The following LRRC37A2 variants were observed in gnomAD, a reference collection of about 807,000 sequenced individuals.
LRRC37A2 encodes leucine rich repeat containing 37 member A2, also known as leucine-rich repeat-containing protein 37A2.
Under a neutral mutation model 68.8 loss-of-function variants are expected in LRRC37A2, and 9 were observed. That is an observed-to-expected ratio of 0.13 (90% CI 0.08 to 0.23). The LOEUF (loss-of-function observed/expected upper bound fraction) is 0.23. Among genes scored for constraint, LRRC37A2 ranks in the 10% least tolerant of loss-of-function variants. LRRC37A2 has a pLI of 1.00. For synonymous variants in LRRC37A2, 63 were observed against 367.6 expected (o/e 0.17, Z 9.48); for missense variants, 168 against 950.4 (o/e 0.18, Z 10.82).
At chr17:46,758,518 A>C in the LRRC37A2 span, among the ~76,000 whole-genome samples, 9 of 152,344 alleles carry the variant, frequency 5.9e-5, no homozygotes, top group African/African-American at 2.2e-4. Flanking sequence ...CGAATTGTTA[A>C]CCGGCTATTT....
At chr17:46,911,187 G>T in the LRRC37A2 span, among the ~76,000 whole-genome samples, 6 of 152,136 alleles carry the variant, frequency 3.9e-5, no homozygotes, top group African/African-American at 1.4e-4. Context: ...CCTTATTAAA[G>T]ATAAAGAAAA....
chr17:46,657,298 T>C, the LRRC37A2 span, among the ~76,000 whole-genome samples: 1 of 143,438 alleles, frequency 7.0e-6, no homozygotes, highest in African/African-American at 2.5e-5. Flanking sequence ...AAAAGTCAAA[T>C]GTTAAGGAGA....
chr17:46,821,352 G>T, the LRRC37A2 span: 3 of 152,260 alleles, frequency 2.0e-5, no homozygotes, highest in Admixed American at 2.0e-4. Context: ...TTTCCCCCAG[G>T]TGTCCTTCCT....
At chr17:46,962,510 A>G in the LRRC37A2 span, among the ~76,000 whole-genome samples, 1 of 152,132 alleles carries the variant, frequency 6.6e-6, no homozygotes, top group Non-Finnish European at 1.5e-5. Context: ...TTCTGGGCCA[A>G]TTATTGAGGT....
chr17:46,905,922 G>A, the LRRC37A2 span, among the ~76,000 whole-genome samples: 2 of 152,184 alleles, frequency 1.3e-5, no homozygotes, highest in South Asian at 2.1e-4. Context: ...GAAAGACCCC[G>A]CCCAGCAATG....
At chr17:46,938,804 A>AGT in the LRRC37A2 span, 707 of 1,578,680 alleles carry the variant, frequency 4.5e-4, 1 homozygote, top group Admixed American at 1.6e-3. Flanking sequence ...ACAGCCTGCA[A>AGT]GTGTGTGTGT....
the LRRC37A2 span, among the ~76,000 whole-genome samples, chr17:46,657,972 T>TTTA: frequency 1.9e-4 from 3 of 16,062 alleles, 1 homozygote; most frequent in African/African-American, 4.5e-4. Flanking sequence ...TTTTATTTAT[T>TTTA]TTTTTTTTTT....
the LRRC37A2 span, chr17:46,751,360 C>A: frequency 1.5e-6 from 1 of 651,750 alleles, no homozygotes; most frequent in Non-Finnish European, 2.7e-6. Flanking sequence ...GAAGGTCAGA[C>A]TGGATTTTAA....
chr17:46,966,350 C>A, the LRRC37A2 span, among the ~76,000 whole-genome samples: 1 of 152,210 alleles, frequency 6.6e-6, no homozygotes, highest in African/African-American at 2.4e-5. Context: ...GTGGCACGAT[C>A]ATGGCCCATT....
chr17:47,018,301 C>G, the LRRC37A2 span: 22 of 1,611,598 alleles, frequency 1.4e-5, no homozygotes, highest in South Asian at 2.2e-4. Context: ...TCTGAGTCTT[C>G]TGGGGAGGTC....
the LRRC37A2 span, among the ~76,000 whole-genome samples, chr17:46,633,935 G>A: frequency 1.5e-5 from 1 of 65,256 alleles, no homozygotes; most frequent in African/African-American, 9.0e-5. Flanking sequence ...GCAATGGTGC[G>A]ATCTTGGCTC....
chr17:47,017,175 T>C, the LRRC37A2 span: 781,887 of 1,577,886 alleles, frequency 0.5, 199,744 homozygotes, highest in South Asian at 0.52. Flanking sequence ...GGGGCACGAG[T>C]GTCTCGGAGC....
At chr17:46,810,782 C>G in the LRRC37A2 span, among the ~76,000 whole-genome samples, 1 of 152,130 alleles carries the variant, frequency 6.6e-6, no homozygotes, top group African/African-American at 2.4e-5. Flanking sequence ...AGCTGGAAGT[C>G]TTTGGCCAGC....
At chr17:46,711,150 G>A in the LRRC37A2 span, 2 of 1,462,530 alleles carry the variant, frequency 1.4e-6, no homozygotes, top group Admixed American at 2.9e-5. Context: ...GGCATTAAAA[G>A]TTAAAGGAAA....
chr17:47,029,531 T>C, the LRRC37A2 span, among the ~76,000 whole-genome samples: 1 of 152,208 alleles, frequency 6.6e-6, no homozygotes, highest in South Asian at 2.1e-4. Flanking sequence ...CACTTCGAGA[T>C]AGAGGGAAGC....
At chr17:46,605,525 TATA>T in the LRRC37A2 span, among the ~76,000 whole-genome samples, 1 of 140,612 alleles carries the variant, frequency 7.1e-6, no homozygotes, top group Non-Finnish European at 1.6e-5. Flanking sequence ...TTTTCCTGTC[TATA>T]ATAATGAAAG....
the LRRC37A2 span, among the ~76,000 whole-genome samples, chr17:46,894,714 C>T: frequency 6.6e-6 from 1 of 152,224 alleles, no homozygotes; most frequent in African/African-American, 2.4e-5. Flanking sequence ...GACGAGCTCA[C>T]TCCCCCCACC....
the LRRC37A2 span, among the ~76,000 whole-genome samples, chr17:46,919,849 A>G: frequency 6.6e-6 from 1 of 152,184 alleles, no homozygotes; most frequent in Non-Finnish European, 1.5e-5. Context: ...CGGGAGGCTG[A>G]GGCAGGAGAA....
chr17:46,633,790 T>C, the LRRC37A2 span, among the ~76,000 whole-genome samples: 51 of 116,668 alleles, frequency 4.4e-4, 1 homozygote, highest in Middle Eastern at 4.1e-3. Context: ...TATAAATGTT[T>C]TCAAACTACA....
Sources: allele counts gnomAD v4.1 joint callset (sites outside exome capture counted in the v4.1 genomes callset), GRCh38; gene constraint gnomAD v4.1.1; transcripts MANE v1.5; gene names NCBI Gene and HGNC (gene_info 2026-07-23, HGNC 2026-07-21).